The following SLC29A3 variants were observed in gnomAD, a reference collection of about 807,000 sequenced individuals.
The protein encoded by SLC29A3 is solute carrier family 29 member 3, also known as equilibrative nucleoside transporter 3.
SLC29A3 carries 18 observed loss-of-function variants against 25.4 expected under a neutral mutation model. That is an observed-to-expected ratio of 0.71 (90% CI 0.49 to 1.05). The LOEUF (loss-of-function observed/expected upper bound fraction) is 1.05, where lower values mean the gene tolerates loss of function less well. Ranked by LOEUF, SLC29A3 falls within the 50% of genes least tolerant of loss-of-function variation. The pLI, the probability that SLC29A3 is intolerant of heterozygous loss-of-function variation, is 0.00. For synonymous variants in SLC29A3, 258 were observed against 267.1 expected (o/e 0.97, Z 0.33); for missense variants, 586 against 609.0 (o/e 0.96, Z 0.40).
At chr10:71,365,834 T>C (rs1847166555), downstream of SLC29A3, 1 of 151,694 alleles carries the variant, frequency 6.6e-6, no homozygotes, top group Non-Finnish European at 1.5e-5. Flanking sequence ...TTTGGAGGGG[T>C]GAACAAAACT....
intron 4 of SLC29A3, among the ~76,000 whole-genome samples, chr10:71,354,352 C>G (rs536274804): frequency 6.6e-6 from 1 of 152,160 alleles, no homozygotes; most frequent in Non-Finnish European, 1.5e-5. Flanking sequence ...GGTTTGGACT[C>G]GGATGTTTTG....
intron 2 of SLC29A3, among the ~76,000 whole-genome samples, chr10:71,339,597 CAG>C (rs1231103900): frequency 6.6e-6 from 1 of 152,150 alleles, no homozygotes; most frequent in African/African-American, 2.4e-5. Context: ...ATGGACAACA[CAG>C]TGTGGTTTGC....
chr10:71,356,180 C>G lies in SLC29A3; in HGVS notation c.710C>G (p.Ala237Gly), dbSNP rs760751582. 6.2e-7 allele frequency: 1 copy of G among 1,614,034 alleles called. No homozygotes were observed. Residue 237 changes from alanine (A) to glycine (G), a missense_variant, in exon 5 of 6, where the codon GCC (alanine) becomes GGC (glycine). Ala to Gly is a moderately conservative substitution (Grantham distance 60, BLOSUM62 0). Transcript: ENST00000373189. ...AGCGCCCTGGCCTTCTTCCTGACGG[C>G]CACTGTCTTCCTCGTGCTCTGCATG... ...RNSALAFFLT[A>G]TVFLVLCMGL...
intron 5 of SLC29A3, 111 bp from the exon 6 acceptor site, chr10:71,361,843 T>C: frequency 7.6e-7 from 1 of 1,307,826 alleles, no homozygotes; most frequent in Non-Finnish European, 1.1e-6. Flanking sequence ...CATACGGGGC[T>C]TGGGCTCTCC....
At chr10:71,340,222 C>G (rs1246248207) in intron 2 of SLC29A3, among the ~76,000 whole-genome samples, 1 of 152,218 alleles carries the variant, frequency 6.6e-6, no homozygotes, top group East Asian at 1.9e-4. Context: ...TGAGTCATAC[C>G]CAGCCTTTCA....
intron 5 of SLC29A3, among the ~76,000 whole-genome samples, chr10:71,359,303 T>C (rs919089568): frequency 3.3e-5 from 5 of 152,156 alleles, no homozygotes; most frequent in African/African-American, 1.2e-4. Context: ...TGGAGAGAGC[T>C]GTGCTCCCAG....
chr10:71,363,272 T>A lies in SLC29A3; in HGVS notation c.*664T>A. ...GCCTGGGTTTTCAAAAAAAGAGGGA[T>A]CCTCATGACCTGGTGGTCTATGGCC... On this transcript the variant is annotated 3_prime_UTR_variant, in exon 6 of 6. Transcript: ENST00000373189. 2.2e-6 allele frequency: 1 copy of A among 454,068 alleles called. No homozygotes were observed. The highest frequency in any genetic ancestry group is 4.4e-6 in the Non-Finnish European group (1 of 226,770). 28.1% of individuals were successfully genotyped at this position (454,068 alleles called of 1,614,324 possible).
Position 71,322,968 on chromosome 10 carries a change from A to T in SLC29A3, c.214A>T (p.Ile72Phe). 1 of 1,614,136 alleles carries T rather than the reference A, an allele frequency of 6.2e-7. No homozygotes were observed. Among genetic ancestry groups the T allele is most frequent in the Non-Finnish European group, 8.5e-7 (1 of 1,180,034 alleles). The change falls in exon 2 of 6, where the codon ATC (isoleucine) becomes TTC (phenylalanine). Residue 72 changes from isoleucine (I) to phenylalanine (F), a missense_variant. Transcript: ENST00000373189. ...IGSLLPWNFF[I>F]TAKEYWMFKL... ...CAGTCTACTGCCATGGAACTTCTTT[A>T]TCACTGCCAAGGAGTACTGGATGTT...
intron 4 of SLC29A3, among the ~76,000 whole-genome samples, 161 bp downstream of exon 4, chr10:71,351,949 A>G (rs1194644712): frequency 1.3e-5 from 2 of 152,206 alleles, no homozygotes; most frequent in Non-Finnish European, 2.9e-5. Context: ...GGTCATTTCT[A>G]CTACTCACAA....
downstream of SLC29A3, among the ~76,000 whole-genome samples, chr10:71,363,986 TG>T (rs1847141430): frequency 6.6e-6 from 1 of 151,704 alleles, no homozygotes; most frequent in South Asian, 2.1e-4. Flanking sequence ...AGGCCTGATG[TG>T]GGGAGGGGAG....
chr10:71,327,851 C>T (rs1846008020), intron 2 of SLC29A3, among the ~76,000 whole-genome samples: 1 of 152,034 alleles, frequency 6.6e-6, no homozygotes, highest in Admixed American at 6.5e-5. Context: ...GTCCCTTGTC[C>T]CTTCCCTACC....
intron 2 of SLC29A3, among the ~76,000 whole-genome samples, chr10:71,337,209 T>A (rs780659): frequency 0.53 from 80,968 of 151,990 alleles, 21,754 homozygotes; most frequent in Middle Eastern, 0.58. Context: ...ACACCCATTA[T>A]CTTTCCTGAG....
chr10:71,376,707 C>T (rs867455714), intron 4 of SLC29A3, among the ~76,000 whole-genome samples: 4 of 152,114 alleles, frequency 2.6e-5, no homozygotes, highest in Admixed American at 2.0e-4. Context: ...TTCAAGTTTC[C>T]CTGAATGTAT....
chr10:71,344,146 G>T (rs547899813), intron 2 of SLC29A3, 63 bp from the exon 3 acceptor site: 2 of 1,295,620 alleles, frequency 1.5e-6, no homozygotes, highest in South Asian at 1.2e-5. Context: ...GTCTCTGCTC[G>T]CGTGGAACTG....
intron 5 of SLC29A3, among the ~76,000 whole-genome samples, chr10:71,359,158 C>T (rs1846991157): frequency 1.3e-5 from 2 of 152,126 alleles, no homozygotes; most frequent in African/African-American, 4.8e-5. Context: ...ATCCACCCGC[C>T]TCAGCCTCCC....
downstream of SLC29A3, chr10:71,364,204 A>G (rs1279943691): frequency 3.3e-5 from 5 of 152,244 alleles, no homozygotes; most frequent in African/African-American, 1.2e-4. Context: ...AGTCTCATGC[A>G]TTGCAGGACC....
chr10:71,320,155 A>G (rs1003061417), intron 1 of SLC29A3, among the ~76,000 whole-genome samples: 1 of 152,228 alleles, frequency 6.6e-6, no homozygotes, highest in Non-Finnish European at 1.5e-5. Flanking sequence ...AATAGACGCT[A>G]GGAACTGAGA....
At chr10:71,363,879 G>A (rs1031706368), downstream of SLC29A3, among the ~76,000 whole-genome samples, 11 of 136,898 alleles carry the variant, frequency 8.0e-5, no homozygotes, top group Admixed American at 5.9e-4. Flanking sequence ...GCTCAATCTC[G>A]GCTCACTGCA....
At chr10:71,327,810 C>G (rs956431184) in intron 2 of SLC29A3, among the ~76,000 whole-genome samples, 1 of 150,512 alleles carries the variant, frequency 6.6e-6, no homozygotes, top group Non-Finnish European at 1.5e-5. Flanking sequence ...CCCCAGGTGC[C>G]TGGGTTCTAC....
Sources: allele counts gnomAD v4.1 joint callset (sites outside exome capture counted in the v4.1 genomes callset), GRCh38; gene constraint gnomAD v4.1.1; transcripts MANE v1.5; gene names NCBI Gene and HGNC (gene_info 2026-07-23, HGNC 2026-07-21).